CERT1: variants seen among roughly 807,000 people sequenced by gnomAD.
The protein encoded by CERT1 is ceramide transfer protein.
Under a neutral mutation model 87.9 loss-of-function variants are expected in CERT1, and 31 were observed. The ratio of observed to expected loss-of-function variants is 0.35; its 90% CI spans 0.27 to 0.48. The LOEUF is 0.48. Ranked by LOEUF, CERT1 falls within the 20% of genes least tolerant of loss-of-function variation. CERT1 has a pLI of 0.99. For missense variants in CERT1, 487 were observed against 758.0 expected, an observed-to-expected ratio of 0.64 and a Z score of 4.20; for synonymous variants, 289 against 250.9, an observed-to-expected ratio of 1.15 and a Z score of -1.44.
chr5:75,440,977 G>C (rs1258728012), intron 3 of CERT1, among the ~76,000 whole-genome samples: 1 of 151,964 alleles, frequency 6.6e-6, no homozygotes, highest in African/African-American at 2.4e-5. Flanking sequence ...TCTTGGTAGA[G>C]GTAGAAATAC....
At chr5:75,504,905 T>G (rs1293181386) in intron 2 of CERT1, among the ~76,000 whole-genome samples, 1 of 152,204 alleles carries the variant, frequency 6.6e-6, no homozygotes, top group Non-Finnish European at 1.5e-5. Flanking sequence ...AGTTTACTTG[T>G]TATAGTTCTT....
intron 3 of CERT1, among the ~76,000 whole-genome samples, chr5:75,446,858 A>C (rs929122273): frequency 6.6e-6 from 1 of 152,210 alleles, no homozygotes; most frequent in Non-Finnish European, 1.5e-5. Context: ...CAAAAGGAAA[A>C]GGAGAAAAGT....
downstream of CERT1, chr5:75,377,073 A>T (rs1761346769): frequency 6.6e-6 from 1 of 152,210 alleles, no homozygotes; most frequent in Admixed American, 6.5e-5. Context: ...ATATCTACTA[A>T]TATTTTAAAT....
chr5:75,494,683 A>T (rs1283024393), intron 2 of CERT1, among the ~76,000 whole-genome samples: 1 of 152,194 alleles, frequency 6.6e-6, no homozygotes, highest in Non-Finnish European at 1.5e-5. Context: ...TATGATGTAG[A>T]TCTAGTTTTG....
At chr5:75,398,817 A>G (rs933135348) in intron 11 of CERT1, among the ~76,000 whole-genome samples, 1 of 152,254 alleles carries the variant, frequency 6.6e-6, no homozygotes, top group East Asian at 1.9e-4. Flanking sequence ...GGTAATTTGC[A>G]TAAGGAAAAC....
chr5:75,456,997 C>A (rs951944773), intron 3 of CERT1, among the ~76,000 whole-genome samples: 1 of 152,090 alleles, frequency 6.6e-6, no homozygotes, highest in Non-Finnish European at 1.5e-5. Flanking sequence ...AAAACTTGCC[C>A]TGTAATAAAA....
In CERT1 at chr5:75,456,704, C is replaced by T. The variant is rs564822639; in HGVS notation, c.348+2361G>A. Among the ~76,000 whole-genome samples the T allele has an allele frequency of 2.1e-5, 3 of 143,614 alleles. No individual in the cohort carries two copies. The East Asian group carries it at 6.1e-4, about 29-fold the overall frequency. 94.2% of individuals were successfully genotyped at this position (143,614 alleles called of 152,430 possible). A position where few individuals can be genotyped will look rare whatever the true frequency, so the allele number is the denominator to read the frequency against. ...AAAAAAAAGAAAGGGCAAACTTGTA[C>T]AATGCATCACAACCCTGCAGTTGAG... On this transcript the variant is annotated intron_variant, in intron 3 of 16. Transcript: ENST00000643780.
At chr5:75,399,422 C>T in intron 10 of CERT1, 35 bp from the exon 11 acceptor site, 1 of 1,507,708 alleles carries the variant, frequency 6.6e-7, no homozygotes, top group Non-Finnish European at 9.2e-7. Flanking sequence ...ACCAAGTAAT[C>T]AGAACAAAGG....
intron 3 of CERT1, among the ~76,000 whole-genome samples, chr5:75,450,632 C>A (rs969546969): frequency 1.3e-5 from 2 of 152,132 alleles, no homozygotes; most frequent in South Asian, 4.1e-4. Context: ...TCTGGTGAGG[C>A]AGCCACCCAT....
At chr5:75,438,102 GAA>G (rs1205022421) in intron 3 of CERT1, among the ~76,000 whole-genome samples, 5 of 151,996 alleles carry the variant, frequency 3.3e-5, no homozygotes, top group Admixed American at 6.6e-5. Flanking sequence ...AAAAATTAAA[GAA>G]AAGACTCATT....
At chr5:75,458,094 T>C (rs567965226) in intron 3 of CERT1, among the ~76,000 whole-genome samples, 8 of 152,204 alleles carry the variant, frequency 5.3e-5, no homozygotes, top group African/African-American at 1.4e-4. Context: ...CAAGCAAAAC[T>C]TCTCTTAAGT....
At position 75,445,094 on chromosome 5, in the gene CERT1, A is replaced by C. The variant is rs539379318; in HGVS notation, c.348+13971T>G. Among the ~76,000 whole-genome samples, 9 of 152,360 alleles carry C rather than the reference A, an allele frequency of 5.9e-5. No individual in the cohort carries two copies. In the South Asian group the frequency reaches 1.9e-3, roughly 32 times the overall value. On this transcript the variant is annotated intron_variant, in intron 3 of 16. Coordinates refer to ENST00000643780, the MANE Select transcript of CERT1 (RefSeq NM_001379029.1). ...TCTTTATATTCTGTGTGACTAAAAA[A>C]ATAAGCAAATATTCTTTTAAATCCA...
At chr5:75,437,384 G>A (rs747960378) in intron 3 of CERT1, among the ~76,000 whole-genome samples, 1 of 152,096 alleles carries the variant, frequency 6.6e-6, no homozygotes, top group Non-Finnish European at 1.5e-5. Flanking sequence ...AAATGTGGAG[G>A]CTACGAGTTT....
chr5:75,416,818 AAAC>A, intron 7 of CERT1, 55 bp downstream of exon 7: 1 of 1,418,194 alleles, frequency 7.1e-7, no homozygotes, highest in South Asian at 1.4e-5. Flanking sequence ...TTAAATATTC[AAAC>A]AATACGTAAA....
chr5:75,375,659 A>T (rs1174440926), downstream of CERT1: 11 of 147,392 alleles, frequency 7.5e-5, no homozygotes, highest in East Asian at 1.9e-3. Flanking sequence ...TATTATATAT[A>T]ATATATATAT....
At chr5:75,511,024 T>C (rs184890415) in intron 1 of CERT1, 88 bp downstream of exon 1, 3 of 1,431,518 alleles carry the variant, frequency 2.1e-6, no homozygotes, top group Non-Finnish European at 2.7e-6. Flanking sequence ...GTTCCGCGCC[T>C]CCCGCCAGCC....
chr5:75,375,574 G>A, downstream of CERT1: 1 of 142,246 alleles, frequency 7.0e-6, no homozygotes, highest in African/African-American at 2.7e-5. Context: ...GGAGTGAGAT[G>A]CTGTCTCAAA....
chr5:75,461,719 A>G (rs1223960642), intron 2 of CERT1, among the ~76,000 whole-genome samples: 1 of 151,978 alleles, frequency 6.6e-6, no homozygotes, highest in African/African-American at 2.4e-5. Context: ...CATTTCTACC[A>G]TCTATGATCT....
At chr5:75,484,289 G>A (rs147773458) in intron 2 of CERT1, among the ~76,000 whole-genome samples, 9 of 148,050 alleles carry the variant, frequency 6.1e-5, no homozygotes, top group South Asian at 2.1e-4. Context: ...GAGAATCACC[G>A]GCACACGAAC....
Sources: gnomAD v4.1 joint callset for allele counts (sites outside exome capture counted in the v4.1 genomes callset) on GRCh38, gnomAD v4.1.1 for gene constraint, MANE v1.5 for transcripts, NCBI Gene and HGNC (gene_info 2026-07-23, HGNC 2026-07-21) for gene names.